The following GNG2 variants were observed in gnomAD, a reference collection of about 807,000 sequenced individuals.
The protein encoded by GNG2 is guanine nucleotide-binding protein G(I)/G(S)/G(O) subunit gamma-2.
GNG2 carries 5 observed loss-of-function variants against 5.5 expected under a neutral mutation model. The observed-to-expected ratio is 0.91, with a 90% CI of 0.48 to 1.92. The LOEUF (loss-of-function observed/expected upper bound fraction) is 1.92, where lower values mean the gene tolerates loss of function less well. Ranked by LOEUF, GNG2 falls within the 30% of genes most tolerant of loss-of-function variation. The pLI is 0.01. For synonymous variants in GNG2, 28 were observed against 32.0 expected, an observed-to-expected ratio of 0.88 and a Z score of 0.42; for missense variants, 55 against 88.4, an observed-to-expected ratio of 0.62 and a Z score of 1.52.
rs995769253 is a variant in GNG2 at position 51,967,564 on chromosome 14, G to T, written c.*877G>T. The T allele has an allele frequency of 6.6e-6, 1 of 152,120 alleles. No homozygotes were observed. The highest frequency in any genetic ancestry group is 2.4e-5 in the African/African-American group (1 of 41,416). 9.4% of individuals were successfully genotyped at this position (152,120 alleles called of 1,614,324 possible). Reference sequence around the variant, plus strand: ...ACCCCGGAGAGGGAAGAAAATCTCAGTATTTTGAAAATTGAGATTACTTCA... The same window carrying T: ...ACCCCGGAGAGGGAAGAAAATCTCATTATTTTGAAAATTGAGATTACTTCA... On this transcript the variant is annotated 3_prime_UTR_variant, in exon 4 of 4. Transcript: ENST00000556766.
intron 2 of GNG2, among the ~76,000 whole-genome samples, chr14:51,906,030 C>G (rs145050340): frequency 6.6e-6 from 1 of 152,272 alleles, no homozygotes; most frequent in East Asian, 1.9e-4. Context: ...CACAGGGTAC[C>G]CTTCGGTACA....
chr14:51,907,313 AC>A (rs1312176058), intron 2 of GNG2, among the ~76,000 whole-genome samples: 1 of 152,178 alleles, frequency 6.6e-6, no homozygotes, highest in Non-Finnish European at 1.5e-5. Flanking sequence ...ACATGTACAA[AC>A]CATTTTAAAC....
intron 2 of GNG2, among the ~76,000 whole-genome samples, chr14:51,937,344 T>C (rs990017836): frequency 3.9e-5 from 6 of 152,180 alleles, no homozygotes; most frequent in Non-Finnish European, 7.4e-5. Context: ...GGATGGTAAA[T>C]CTTGCAGTGT....
At chr14:51,826,317 C>T (rs375190778) in intron 1 of GNG2, 54 of 151,816 alleles carry the variant, frequency 3.6e-4, no homozygotes, top group African/African-American at 1.3e-3. Context: ...TTTAAAAATA[C>T]AAATTTTGAA....
chr14:51,928,053 C>A (rs1255926473), intron 2 of GNG2, among the ~76,000 whole-genome samples: 2 of 117,588 alleles, frequency 1.7e-5, no homozygotes, highest in East Asian at 5.3e-4. Context: ...TTTTTGGAGA[C>A]TGAGTCTCGC....
chr14:51,859,740 T>A (rs1462981346), upstream of GNG2, among the ~76,000 whole-genome samples: 1 of 152,092 alleles, frequency 6.6e-6, no homozygotes, highest in Non-Finnish European at 1.5e-5. Flanking sequence ...CCCTGGTGGG[T>A]TCTACGATAT....
chr14:51,930,009 T>C lies in GNG2; in HGVS notation c.-29-20641T>C, dbSNP rs527800224. ...ATCTCTAGAAATTCCATAATGTTTC[T>C]ATGCAGAGTACCAATCACCACTCCC... On this transcript the variant is annotated intron_variant, in intron 2 of 3. Coordinates refer to ENST00000556766, the MANE Select transcript of GNG2 (RefSeq NM_053064.5). Among the ~76,000 whole-genome samples the C allele has an allele frequency of 2.0e-5, 3 of 152,336 alleles. No homozygotes were observed. The East Asian group carries it at 5.8e-4, about 29-fold the overall frequency.
chr14:51,902,958 G>C (rs559233103), intron 2 of GNG2, among the ~76,000 whole-genome samples: 25 of 152,250 alleles, frequency 1.6e-4, no homozygotes, highest in Non-Finnish European at 2.5e-4. Flanking sequence ...AACTATTGTG[G>C]AAACAGGAAA....
intron 2 of GNG2, among the ~76,000 whole-genome samples, chr14:51,944,579 A>G (rs1355879727): frequency 6.6e-6 from 1 of 152,226 alleles, no homozygotes; most frequent in Non-Finnish European, 1.5e-5. Context: ...TCAACAAATC[A>G]TGATGGAAAA....
intron 2 of GNG2, among the ~76,000 whole-genome samples, chr14:51,897,446 C>T (rs139826610): frequency 7.2e-5 from 11 of 152,004 alleles, no homozygotes; most frequent in African/African-American, 1.7e-4. Context: ...AAACCTGTGA[C>T]GTAAAAAGGA....
intron 1 of GNG2, among the ~76,000 whole-genome samples, chr14:51,875,735 A>G (rs901230092): frequency 2.0e-5 from 3 of 150,758 alleles, no homozygotes; most frequent in Non-Finnish European, 3.0e-5. Flanking sequence ...AAATATGTAT[A>G]TTAGAAAATT....
chr14:51,934,358 T>A (rs960839206), intron 2 of GNG2, among the ~76,000 whole-genome samples: 1 of 152,218 alleles, frequency 6.6e-6, no homozygotes, highest in South Asian at 2.1e-4. Context: ...CGAGCTTTTC[T>A]GCATATTCAT....
intron 2 of GNG2, among the ~76,000 whole-genome samples, chr14:51,854,023 C>T (rs968687417): frequency 2.6e-5 from 4 of 151,802 alleles, no homozygotes; most frequent in Non-Finnish European, 4.4e-5. Context: ...CCCAAGTAGG[C>T]GTGCACCACC....
intron 2 of GNG2, among the ~76,000 whole-genome samples, chr14:51,852,421 AC>A (rs1881950003): frequency 6.6e-6 from 1 of 152,226 alleles, no homozygotes; most frequent in Admixed American, 6.5e-5. Context: ...GAGATACAAG[AC>A]TGAGTAAGAC....
At chr14:51,833,386 A>G (rs1030140214) in intron 2 of GNG2, among the ~76,000 whole-genome samples, 3 of 152,114 alleles carry the variant, frequency 2.0e-5, no homozygotes, top group African/African-American at 7.2e-5. Flanking sequence ...AATGTAGATC[A>G]CTTTACCCTC....
At position 51,911,882 on chromosome 14, in the gene GNG2, G is replaced by A. The variant is rs556769910; in HGVS notation, c.-30+34225G>A. Reference sequence around the variant, plus strand: ...TTTTCTTATGTTTTTTTTTTTTGTTGTTATTGTTAGATTAAAGGAGTTGAA... The same window carrying A: ...TTTTCTTATGTTTTTTTTTTTTGTTATTATTGTTAGATTAAAGGAGTTGAA... On this transcript the variant is annotated intron_variant, in intron 2 of 3. Coordinates refer to ENST00000556766, the MANE Select transcript of GNG2 (RefSeq NM_053064.5). 5.4e-4 allele frequency among the ~76,000 whole-genome samples: 78 copies of A among 145,050 alleles called. 10 individuals carry two copies. Among genetic ancestry groups the A allele is most frequent in the African/African-American group, 2.0e-3 (75 of 38,388 alleles).
chr14:51,929,489 C>T (rs144456758), intron 2 of GNG2, among the ~76,000 whole-genome samples: 84 of 152,264 alleles, frequency 5.5e-4, no homozygotes, highest in African/African-American at 1.9e-3. Context: ...TCTAGCAGCT[C>T]CAGCAGGATT....
chr14:51,969,533 G>C lies in GNG2; in HGVS notation c.*2846G>C, dbSNP rs139516966. On this transcript the variant is annotated 3_prime_UTR_variant, in exon 4 of 4. Transcript: ENST00000556766. ...GAATTTTGAGAAAATAAAGCATGCT[G>C]TCTTTAGGAATTTTTATACTTCTTT... 5.2e-4 allele frequency: 79 copies of C among 152,302 alleles called. 1 individual carries two copies. Among genetic ancestry groups the C allele is most frequent in the African/African-American group, 1.9e-3 (78 of 41,562 alleles). 9.4% of individuals were successfully genotyped at this position (152,302 alleles called of 1,614,324 possible). A position where few individuals can be genotyped will look rare whatever the true frequency, so the allele number is the denominator to read the frequency against.
intron 2 of GNG2, among the ~76,000 whole-genome samples, chr14:51,891,168 GAGA>G (rs995303258): frequency 6.6e-6 from 1 of 152,220 alleles, no homozygotes; most frequent in Non-Finnish European, 1.5e-5. Context: ...CTCCCCGGTA[GAGA>G]AGGAGGGGAG....
Sources: allele counts gnomAD v4.1 joint callset (sites outside exome capture counted in the v4.1 genomes callset), GRCh38; gene constraint gnomAD v4.1.1; transcripts MANE v1.5; gene names NCBI Gene and HGNC (gene_info 2026-07-23, HGNC 2026-07-21).